The following PKD1L1 variants were observed in gnomAD, a reference collection of about 807,000 sequenced individuals.
The protein encoded by PKD1L1 is polycystin 1 like 1, transient receptor potential channel interacting.
In PKD1L1, 236 loss-of-function variants were observed where a neutral mutation model predicts 323.4. That is an observed-to-expected ratio of 0.73 (90% CI 0.66 to 0.81). The LOEUF (loss-of-function observed/expected upper bound fraction) is 0.81. Ranked by LOEUF, PKD1L1 falls within the 40% of genes least tolerant of loss-of-function variation. The pLI, the probability that PKD1L1 is intolerant of heterozygous loss-of-function variation, is 0.00. For synonymous variants in PKD1L1, 1,344 were observed against 1,335.0 expected (o/e 1.01, Z -0.15); for missense variants, 3,320 against 3,508.0 (o/e 0.95, Z 1.35).
At chr7:47,917,127 A>AAAAACAATCAAAACTTCAG (rs1163509791) in intron 7 of PKD1L1, among the ~76,000 whole-genome samples, 1 of 152,232 alleles carries the variant, frequency 6.6e-6, no homozygotes, top group Non-Finnish European at 1.5e-5. Flanking sequence ...AGCATAAATA[A>AAAAACAATCAAAACTTCAG]AAAACAATCA....
At chr7:47,955,850 C>T in the PKD1L1 span, among the ~76,000 whole-genome samples, 1 of 152,166 alleles carries the variant, frequency 6.6e-6, no homozygotes, top group Non-Finnish European at 1.5e-5. Context: ...GCTAATTTAT[C>T]TCCTTTTTAA....
chr7:47,790,358 C>A (rs1786913200), intron 56 of PKD1L1, among the ~76,000 whole-genome samples: 2 of 147,538 alleles, frequency 1.4e-5, no homozygotes, highest in Non-Finnish European at 3.0e-5. Flanking sequence ...GAGATGGAGT[C>A]TCATTCTGTC....
Position 47,873,881 on chromosome 7 carries a change from T to G in PKD1L1, c.3896+18A>C. The stretch of plus-strand genomic sequence containing the variant: ...ACAAATAATGGCTAGGATGTCTGTG[T>G]GGCATTGTGTTACTCACAGGTCCTC... On this transcript the variant is annotated intron_variant, in intron 24 of 56. Transcript: ENST00000289672. The G allele has an allele frequency of 1.3e-6, 2 of 1,574,534 alleles. No homozygotes were observed. The highest frequency in any genetic ancestry group is 1.7e-6 in the Non-Finnish European group (2 of 1,148,250).
chr7:47,787,127 C>G (rs1343830280), intron 56 of PKD1L1, among the ~76,000 whole-genome samples: 1 of 151,988 alleles, frequency 6.6e-6, no homozygotes, highest in African/African-American at 2.4e-5. Flanking sequence ...CCTCAGATCC[C>G]CTCACACAAA....
intron 43 of PKD1L1, 147 bp from the exon 44 acceptor site, chr7:47,829,748 C>T (rs1270443810): frequency 4.4e-6 from 4 of 901,390 alleles, no homozygotes; most frequent in Admixed American, 2.7e-5. Flanking sequence ...ATTCCCAGCC[C>T]AACTACTCAC....
chr7:47,888,052 G>A lies in PKD1L1; in HGVS notation c.2774C>T (p.Pro925Leu), dbSNP rs79105203. The change falls in exon 17 of 57, where the codon CCG becomes CTG. Residue 925 changes from proline (P) to leucine (L), a missense_variant. Coordinates refer to ENST00000289672, the MANE Select transcript of PKD1L1 (RefSeq NM_138295.5). Reference protein sequence around the residue: ...QAMCEDCSEIPNLSYSWDLFL... With the variant: ...QAMCEDCSEILNLSYSWDLFL... ...GAGATCCCAGGAATAAGACAGATTC[G>A]GTATTTCACTGCAGTCCTCACACAT... 0.016 allele frequency: 25,716 copies of A among 1,613,676 alleles called. 1,092 individuals are homozygous for A. In the African/African-American group the frequency reaches 0.16, roughly 10 times the overall value.
intron 46 of PKD1L1, chr7:47,819,608 A>G (rs756565225): frequency 1.5e-6 from 2 of 1,347,980 alleles, no homozygotes; most frequent in Middle Eastern, 2.1e-4. Context: ...GGAGGCAGAA[A>G]ATTCCACTTA....
chr7:47,903,685 C>A (rs569278251), intron 12 of PKD1L1, among the ~76,000 whole-genome samples: 1 of 152,164 alleles, frequency 6.6e-6, no homozygotes, highest in South Asian at 2.1e-4. Context: ...TACTTCTGCA[C>A]CCTTTGACAT....
chr7:47,780,073 T>C (rs899316656), intron 56 of PKD1L1, among the ~76,000 whole-genome samples: 1 of 152,310 alleles, frequency 6.6e-6, no homozygotes, highest in South Asian at 2.1e-4. Context: ...TCACACACAG[T>C]TGTAAGACAT....
chr7:47,858,206 G>A (rs1163189320), intron 27 of PKD1L1, among the ~76,000 whole-genome samples: 2 of 152,088 alleles, frequency 1.3e-5, no homozygotes, highest in Admixed American at 6.5e-5. Flanking sequence ...ATTTCATAAA[G>A]TAAAAATAAA....
chr7:47,830,108 A>G lies in PKD1L1; in HGVS notation c.6490T>C (p.Cys2164Arg), dbSNP rs768443588. The change falls in exon 43 of 57, where the codon TGT (cysteine) becomes CGT (arginine). Residue 2164 changes from cysteine (C) to arginine (R), a missense_variant. Cys to Arg is a radical substitution (Grantham distance 180). Coordinates refer to ENST00000289672, the MANE Select transcript of PKD1L1 (RefSeq NM_138295.5). ...GACAGCAGGTGCAGCCACTGCACAC[A>G]TTGCTCCTGGCCAAACCTGCCCCCA... ...FLAYRFGQEQ[C>R]VQWLHLLSLS... is the part of the protein sequence containing the mutation. The G allele has an allele frequency of 2.5e-6, 4 of 1,614,070 alleles. No homozygotes were observed. The Admixed American group carries it at 5.0e-5, about 20-fold the overall frequency.
chr7:47,913,115 G>A (rs957319364), intron 8 of PKD1L1, among the ~76,000 whole-genome samples: 2 of 152,098 alleles, frequency 1.3e-5, no homozygotes, highest in Non-Finnish European at 2.9e-5. Flanking sequence ...AGAATGGAAA[G>A]ACAACCAGAT....
chr7:47,936,888 T>C lies in PKD1L1; in HGVS notation c.356A>G (p.Glu119Gly), dbSNP rs763693802. The C allele has an allele frequency of 3.7e-6, 6 of 1,613,718 alleles. No homozygotes were observed. Among genetic ancestry groups the C allele is most frequent in the Non-Finnish European group, 5.1e-6 (6 of 1,179,946 alleles). ...VNEKTQAVVN[E>G]KTQAPLDCDN... The stretch of plus-strand genomic sequence containing the variant: ...ACAATCCAGAGGCGCCTGTGTTTTT[T>C]CATTAACAACAGCCTGTGTTTTTTC... The change falls in exon 4 of 57, where the codon GAA (glutamate) becomes GGA (glycine). Residue 119 changes from glutamate to glycine, a missense_variant. Glu to Gly is a moderately conservative substitution (Grantham distance 98). Transcript: ENST00000289672.
Position 47,804,469 on chromosome 7 carries a change from ATTT to A in PKD1L1, c.7828-1128_7828-1126del, listed in dbSNP as rs71966592. Among the ~76,000 whole-genome samples, 213 of 123,026 alleles carry A rather than the reference ATTT, an allele frequency of 1.7e-3. 1 individual carries two copies. The highest frequency in any genetic ancestry group is 5.0e-3 in the Middle Eastern group (1 of 202). 80.7% of individuals were successfully genotyped at this position (123,026 alleles called of 152,430 possible). The stretch of plus-strand genomic sequence containing the variant: ...ATTATTGAGATATTTTACATTTTTA[ATTT>A]TTTTTTTTTTTTTTTTTGAGAGAGA... On this transcript the variant is annotated intron_variant, in intron 52 of 56. Transcript: ENST00000289672.
chr7:47,816,186 C>T (rs1373682841), intron 46 of PKD1L1, among the ~76,000 whole-genome samples: 1 of 152,210 alleles, frequency 6.6e-6, no homozygotes, highest in Non-Finnish European at 1.5e-5. Flanking sequence ...TCCCAAGATG[C>T]CTGTGAGTGG....
At position 47,811,998 on chromosome 7, in the gene PKD1L1, C is replaced by G. The variant is rs376886746; in HGVS notation, c.7400G>C (p.Arg2467Pro). 6.3e-7 allele frequency: 1 copy of G among 1,588,702 alleles called. No homozygotes were observed. Among genetic ancestry groups the G allele is most frequent in the Non-Finnish European group, 8.6e-7 (1 of 1,167,550 alleles). ...SRLRASMWID[R>P]STRAVSVHFT... is the part of the protein sequence containing the mutation. ...GTGCACAGACACAGCCCTGGTGCTGCGGTCAATCCACATGCTGGCCCTGAG... is the reference window on the plus strand; with the variant it reads ...GTGCACAGACACAGCCCTGGTGCTGGGGTCAATCCACATGCTGGCCCTGAG... Residue 2467 changes from arginine to proline, a missense_variant, in exon 50 of 57, where the codon CGC becomes CCC. Coordinates refer to ENST00000289672, the MANE Select transcript of PKD1L1 (RefSeq NM_138295.5).
chr7:47,893,918 T>A lies in PKD1L1; in HGVS notation c.2413A>T (p.Thr805Ser), dbSNP rs1479963602. 1 of 1,613,900 alleles carries A rather than the reference T, an allele frequency of 6.2e-7. No homozygotes were observed. Among genetic ancestry groups the A allele is most frequent in the Non-Finnish European group, 8.5e-7 (1 of 1,179,980 alleles). Reference protein sequence around the residue: ...TTSSPIVLRGTQSFDPDDPGA... With the variant: ...TTSSPIVLRGSQSFDPDDPGA... Reference sequence around the variant, plus strand: ...GGGTCGTCAGGGTCGAAGGACTGGGTCCCTCTGAGGACAATGGGGGATGAG... The same window carrying A: ...GGGTCGTCAGGGTCGAAGGACTGGGACCCTCTGAGGACAATGGGGGATGAG... The change falls in exon 15 of 57, where the codon ACC becomes TCC. Residue 805 changes from threonine (T) to serine (S), a missense_variant. Transcript: ENST00000289672.
chr7:47,860,356 A>T (rs1785998288), intron 26 of PKD1L1, among the ~76,000 whole-genome samples: 2 of 152,252 alleles, frequency 1.3e-5, no homozygotes, highest in Admixed American at 6.5e-5. Context: ...AACTTCATTC[A>T]TCAATGCTTA....
At chr7:47,918,321 A>C (rs1562989526) in intron 7 of PKD1L1, among the ~76,000 whole-genome samples, 1 of 152,154 alleles carries the variant, frequency 6.6e-6, no homozygotes, top group African/African-American at 2.4e-5. Context: ...ACAATCCTAA[A>C]CATATATGCA....
Sources: gnomAD v4.1 joint callset for allele counts (sites outside exome capture counted in the v4.1 genomes callset) on GRCh38, gnomAD v4.1.1 for gene constraint, MANE v1.5 for transcripts, NCBI Gene and HGNC (gene_info 2026-07-23, HGNC 2026-07-21) for gene names.